The following LIPC variants were observed in gnomAD, a reference collection of about 807,000 sequenced individuals.
LIPC encodes hepatic triacylglycerol lipase.
In LIPC, 44 loss-of-function variants were observed where a neutral mutation model predicts 50.7. The observed-to-expected ratio is 0.87, with a 90% CI of 0.68 to 1.11. The LOEUF (loss-of-function observed/expected upper bound fraction) is 1.11, where lower values mean the gene tolerates loss of function less well. Among genes scored for constraint, LIPC ranks in the 50% most tolerant of loss-of-function variants. The pLI is 0.00. For synonymous variants in LIPC, 271 were observed against 256.4 expected (o/e 1.06, Z -0.54); for missense variants, 697 against 648.2 (o/e 1.08, Z -0.82).
intron 1 of LIPC, among the ~76,000 whole-genome samples, chr15:58,530,111 A>T (rs1166251938): frequency 6.6e-6 from 1 of 152,216 alleles, no homozygotes; most frequent in Non-Finnish European, 1.5e-5. Flanking sequence ...TTTCCTCAAT[A>T]AGTACAGGTT....
At chr15:58,447,086 T>C (rs1283043370) in intron 1 of LIPC, among the ~76,000 whole-genome samples, 1 of 136,160 alleles carries the variant, frequency 7.3e-6, no homozygotes, top group Non-Finnish European at 1.5e-5. Flanking sequence ...AGGGTGGAGG[T>C]TGCAGTGAGC....
At chr15:58,437,848 T>C (rs1471575546) in intron 1 of LIPC, among the ~76,000 whole-genome samples, 1 of 152,190 alleles carries the variant, frequency 6.6e-6, no homozygotes, top group Non-Finnish European at 1.5e-5. Context: ...AAATTCTATC[T>C]TTCCCATGCA....
Position 58,568,902 on chromosome 15 carries a change from C to A in LIPC, c.*75C>A. Reference sequence around the variant, plus strand: ...TGGAATGGCTGCCTTATTTAGAAGCCAAAATTACATAAAGAATCTCACACA... The same window carrying A: ...TGGAATGGCTGCCTTATTTAGAAGCAAAAATTACATAAAGAATCTCACACA... On this transcript the variant is annotated 3_prime_UTR_variant, in exon 9 of 9. Coordinates refer to ENST00000299022, the MANE Select transcript of LIPC (RefSeq NM_000236.3). 1.3e-6 allele frequency: 1 copy of A among 775,232 alleles called. No individual in the cohort carries two copies. The allele number at this position is 775,232 out of a possible 1,614,324, so 48.0% of individuals were successfully genotyped here. A position where few individuals can be genotyped will look rare whatever the true frequency, so the allele number is the denominator to read the frequency against.
chr15:58,520,119 T>TG (rs1282550490), intron 1 of LIPC, among the ~76,000 whole-genome samples: 2 of 147,150 alleles, frequency 1.4e-5, no homozygotes, highest in East Asian at 3.9e-4. Flanking sequence ...GCTGTTTTTT[T>TG]TTTGTTTTTT....
At chr15:58,491,320 C>T (rs1213807271) in intron 1 of LIPC, among the ~76,000 whole-genome samples, 2 of 152,162 alleles carry the variant, frequency 1.3e-5, no homozygotes, top group African/African-American at 4.8e-5. Flanking sequence ...CAGCAGCAGG[C>T]TTTAATCCTC....
intron 1 of LIPC, among the ~76,000 whole-genome samples, chr15:58,461,117 G>C (rs1391405448): frequency 6.6e-6 from 1 of 152,154 alleles, no homozygotes; most frequent in Non-Finnish European, 1.5e-5. Context: ...TGCTGGGAGG[G>C]AGACGTCATA....
intron 1 of LIPC, among the ~76,000 whole-genome samples, chr15:58,448,933 C>T (rs1241420979): frequency 5.3e-5 from 8 of 152,180 alleles, no homozygotes; most frequent in African/African-American, 1.9e-4. Context: ...AAAGGCTTGT[C>T]TACCCTGAAG....
At chr15:58,494,834 T>A (rs1390687074) in intron 1 of LIPC, 1 of 456,168 alleles carries the variant, frequency 2.2e-6, no homozygotes, top group Non-Finnish European at 4.4e-6. Flanking sequence ...ATCTGTTTCT[T>A]CATCTGAATG....
chr15:58,452,626 C>G (rs1342497016), intron 1 of LIPC, among the ~76,000 whole-genome samples: 2 of 152,066 alleles, frequency 1.3e-5, no homozygotes, highest in African/African-American at 4.8e-5. Context: ...TCCCTTCTCT[C>G]ATGAGCTAGA....
chr15:58,434,447 G>A (rs1217109031), intron 1 of LIPC, among the ~76,000 whole-genome samples: 4 of 152,184 alleles, frequency 2.6e-5, no homozygotes, highest in African/African-American at 9.7e-5. Flanking sequence ...TGAGTAAGCT[G>A]GCAGTTAAGT....
intron 1 of LIPC, among the ~76,000 whole-genome samples, chr15:58,503,846 T>A (rs1030637876): frequency 1.3e-5 from 2 of 152,052 alleles, no homozygotes; most frequent in African/African-American, 4.8e-5. Flanking sequence ...AGCCTCTGAG[T>A]TTCCAGGCAC....
In LIPC at chr15:58,464,210, C is replaced by A. The variant is rs1239640462; in HGVS notation, c.88+32090C>A. Among the ~76,000 whole-genome samples the A allele has an allele frequency of 2.6e-5, 4 of 152,184 alleles. No homozygotes were observed. The East Asian group carries it at 7.7e-4, about 29-fold the overall frequency. ...TTAAGTGCTGTGGTCTTTGTGGTGACTTTATTGGCTCAAGTTTCCTAGGCT... is the reference window on the plus strand; with the variant it reads ...TTAAGTGCTGTGGTCTTTGTGGTGAATTTATTGGCTCAAGTTTCCTAGGCT... On this transcript the variant is annotated intron_variant, in intron 1 of 8. Transcript: ENST00000299022.
intron 1 of LIPC, among the ~76,000 whole-genome samples, chr15:58,534,642 A>G (rs78341616): frequency 2.0e-5 from 3 of 152,284 alleles, no homozygotes; most frequent in Non-Finnish European, 4.4e-5. Flanking sequence ...TAGGGAAACC[A>G]TCTTGGGTTT....
chr15:58,556,351 G>A (rs1435981594), intron 6 of LIPC, among the ~76,000 whole-genome samples: 3 of 152,186 alleles, frequency 2.0e-5, no homozygotes, highest in South Asian at 4.1e-4. Flanking sequence ...ACAGATGCCC[G>A]TGAGACAAGG....
At chr15:58,561,616 G>A (rs944840256) in intron 7 of LIPC, among the ~76,000 whole-genome samples, 2 of 152,218 alleles carry the variant, frequency 1.3e-5, no homozygotes, top group African/African-American at 4.8e-5. Flanking sequence ...TCTACAGAAT[G>A]TAGATTTTCC....
intron 1 of LIPC, among the ~76,000 whole-genome samples, chr15:58,491,247 G>A (rs72740897): frequency 3.9e-5 from 6 of 152,178 alleles, no homozygotes; most frequent in African/African-American, 1.4e-4. Context: ...AACACAATAG[G>A]GAAATAGTTA....
intron 8 of LIPC, among the ~76,000 whole-genome samples, chr15:58,567,565 T>A (rs1031022065): frequency 7.9e-5 from 12 of 151,894 alleles, no homozygotes; most frequent in African/African-American, 2.9e-4. Context: ...GTTGCAGTAC[T>A]ATTAAATAAA....
At chr15:58,483,014 C>T (rs1260512725) in intron 1 of LIPC, among the ~76,000 whole-genome samples, 1 of 152,192 alleles carries the variant, frequency 6.6e-6, no homozygotes, top group African/African-American at 2.4e-5. Flanking sequence ...TCAGCGAAAG[C>T]ATAGCTGGCT....
chr15:58,450,406 G>T (rs565605779), intron 1 of LIPC, among the ~76,000 whole-genome samples: 1 of 152,272 alleles, frequency 6.6e-6, no homozygotes, highest in Admixed American at 6.5e-5. Flanking sequence ...CCCACCTGAA[G>T]AACTGCCTCA....
Sources: allele counts gnomAD v4.1 joint callset (sites outside exome capture counted in the v4.1 genomes callset), GRCh38; gene constraint gnomAD v4.1.1; transcripts MANE v1.5; gene names NCBI Gene and HGNC (gene_info 2026-07-23, HGNC 2026-07-21).